PCDHA9: variants seen among roughly 807,000 people sequenced by gnomAD.
PCDHA9 encodes the protein protocadherin alpha-9.
In PCDHA9, 62 loss-of-function variants were observed where a neutral mutation model predicts 62.0. That is an observed-to-expected ratio of 1.00 (90% confidence interval 0.81 to 1.23). The LOEUF is 1.23. Ranked by LOEUF, PCDHA9 falls within the 50% of genes most tolerant of loss-of-function variation. PCDHA9 has a pLI of 0.00. For missense variants in PCDHA9, 1,205 were observed against 1,249.8 expected, an observed-to-expected ratio of 0.96 and a Z score of 0.54; for synonymous variants, 557 against 567.6, an observed-to-expected ratio of 0.98 and a Z score of 0.27.
At chr5:140,886,830 A>G (rs2061165550) in intron 1 of PCDHA9, among the ~76,000 whole-genome samples, 1 of 150,424 alleles carries the variant, frequency 6.6e-6, no homozygotes, top group Non-Finnish European at 1.5e-5. Flanking sequence ...TCGTCTTGAA[A>G]AAAAAAAAAA....
chr5:140,898,147 C>G (rs2066556304), intron 1 of PCDHA9, among the ~76,000 whole-genome samples: 1 of 152,150 alleles, frequency 6.6e-6, no homozygotes, highest in Non-Finnish European at 1.5e-5. Context: ...GTTGCCTGTT[C>G]ACGCTGATGG....
rs782638942 is a variant in PCDHA9, at chr5:140,876,442, G to T, written c.2394+25553G>T. The T allele has an allele frequency of 1.5e-5, 25 of 1,613,894 alleles. 1 individual carries two copies. The South Asian group carries it at 2.7e-4, about 18-fold the overall frequency. The stretch of plus-strand genomic sequence containing the variant: ...CTATGAAATTCAGGTTAACGCCATT[G>T]ATAAAGGGATTCCTTCCATGGCAGG... On this transcript the variant is annotated intron_variant, in intron 1 of 3. Coordinates refer to ENST00000532602, the MANE Select transcript of PCDHA9 (RefSeq NM_031857.2).
intron 1 of PCDHA9, chr5:140,861,770 C>CCAAT (rs386405128): frequency 6.2e-6 from 1 of 161,486 alleles, no homozygotes; most frequent in Non-Finnish European, 1.3e-5. Flanking sequence ...CCTGGAAATA[C>CCAAT]CAAGAGCAGG....
At chr5:140,926,281 T>A (rs2083071196) in intron 1 of PCDHA9, 1 of 152,306 alleles carries the variant, frequency 6.6e-6, no homozygotes, top group African/African-American at 2.4e-5. Context: ...GCTCGGCAGC[T>A]CCACGCTGAG....
intron 2 of PCDHA9, among the ~76,000 whole-genome samples, chr5:140,981,839 A>T (rs950232298): frequency 6.6e-6 from 1 of 152,116 alleles, no homozygotes; most frequent in Non-Finnish European, 1.5e-5. Flanking sequence ...AAGGTCTCCC[A>T]GTTTGTATCT....
chr5:140,869,247 C>A (rs1186478553), intron 1 of PCDHA9: 2 of 1,613,526 alleles, frequency 1.2e-6, no homozygotes, highest in Admixed American at 3.3e-5. Context: ...TGGGCCGCAT[C>A]GCGCAGGACC....
At chr5:140,958,503 C>T (rs1426161443) in intron 1 of PCDHA9, among the ~76,000 whole-genome samples, 1 of 152,118 alleles carries the variant, frequency 6.6e-6, no homozygotes, top group Non-Finnish European at 1.5e-5. Context: ...TCCTAGGAGG[C>T]ATGGCTGTCC....
chr5:140,871,489 G>C (rs782277615), intron 1 of PCDHA9: 1 of 1,590,138 alleles, frequency 6.3e-7, no homozygotes, highest in Non-Finnish European at 8.6e-7. Context: ...AAATCACCCC[G>C]GACAGGTGAG....
intron 1 of PCDHA9, among the ~76,000 whole-genome samples, chr5:140,909,911 A>T (rs747486870): frequency 1.3e-5 from 2 of 152,144 alleles, no homozygotes; most frequent in Non-Finnish European, 2.9e-5. Flanking sequence ...AATGGCAATC[A>T]TTTCCCTTTC....
At chr5:140,917,892 T>C (rs1382149175) in intron 1 of PCDHA9, among the ~76,000 whole-genome samples, 2 of 152,104 alleles carry the variant, frequency 1.3e-5, no homozygotes, top group African/African-American at 4.8e-5. Flanking sequence ...TTTTTCCATA[T>C]GAATGTTAGG....
Position 140,978,781 on chromosome 5 carries a change from A to C in PCDHA9, c.2395-168A>C, listed in dbSNP as rs4461687. ...GACCCTGATGAACTAATTTTCTTCT[A>C]AAGTGCTATATATGTAGATATCATC... On this transcript the variant is annotated intron_variant, in intron 1 of 3. Coordinates refer to ENST00000532602, the MANE Select transcript of PCDHA9 (RefSeq NM_031857.2). 2,731 of 969,880 alleles carry C rather than the reference A, an allele frequency of 2.8e-3. 24 individuals carry two copies. The East Asian group carries it at 0.042, about 15-fold the overall frequency. The allele number at this position is 969,880 out of a possible 1,614,324, so 60.1% of individuals were successfully genotyped here.
chr5:140,882,119 T>C, intron 1 of PCDHA9: 1 of 1,438,056 alleles, frequency 7.0e-7, no homozygotes, highest in South Asian at 1.4e-5. Context: ...AGCCGCCGTT[T>C]CTTTCTTCCT....
Position 140,980,736 on chromosome 5 carries a change from A to G in PCDHA9, c.2453+1729A>G, listed in dbSNP as rs1014210313. 6.6e-5 allele frequency among the ~76,000 whole-genome samples: 10 copies of G among 152,312 alleles called. No individual in the cohort carries two copies. The East Asian group carries it at 1.9e-3, about 29-fold the overall frequency. ...TTCGGGTTTCAATTAAGATATTATG[A>G]GATTTGAGTAGGGTAAGAAATAAAA... On this transcript the variant is annotated intron_variant, in intron 2 of 3. Transcript: ENST00000532602.
chr5:141,005,255 CACTGGTGATACATTGGTGAAT>C (rs1319250318), intron 3 of PCDHA9, among the ~76,000 whole-genome samples: 1 of 152,182 alleles, frequency 6.6e-6, no homozygotes, highest in African/African-American at 2.4e-5. Context: ...TTGTGCTAGG[CACTGGTGATACATTGGTGAAT>C]AAACAGATAC....
intron 1 of PCDHA9, among the ~76,000 whole-genome samples, chr5:140,889,945 C>A (rs2153428950): frequency 6.6e-6 from 1 of 152,212 alleles, no homozygotes; most frequent in Non-Finnish European, 1.5e-5. Flanking sequence ...TTGTGAGAAG[C>A]CAAATGGATA....
At chr5:140,957,194 G>A (rs2095341106) in intron 1 of PCDHA9, among the ~76,000 whole-genome samples, 1 of 152,012 alleles carries the variant, frequency 6.6e-6, no homozygotes, top group Non-Finnish European at 1.5e-5. Context: ...TGACCGATTG[G>A]GAATATAAAT....
At chr5:141,002,907 A>T (rs1201381868) in intron 3 of PCDHA9, among the ~76,000 whole-genome samples, 1 of 152,210 alleles carries the variant, frequency 6.6e-6, no homozygotes, top group Non-Finnish European at 1.5e-5. Flanking sequence ...TGAAGAGAAG[A>T]TCAGAAAAGT....
At chr5:140,942,361 G>A (rs1554214935) in intron 1 of PCDHA9, among the ~76,000 whole-genome samples, 1 of 151,920 alleles carries the variant, frequency 6.6e-6, no homozygotes, top group East Asian at 1.9e-4. Context: ...GCAGTTAACG[G>A]AGATTGCACC....
intron 1 of PCDHA9, among the ~76,000 whole-genome samples, chr5:140,898,272 A>T (rs13177412): frequency 6.6e-6 from 1 of 152,110 alleles, no homozygotes; most frequent in Non-Finnish European, 1.5e-5. Flanking sequence ...CCCATGCCTA[A>T]GTTCTGAATG....
Sources: allele counts gnomAD v4.1 joint callset (sites outside exome capture counted in the v4.1 genomes callset), GRCh38; gene constraint gnomAD v4.1.1; transcripts MANE v1.5; gene names NCBI Gene and HGNC (gene_info 2026-07-23, HGNC 2026-07-21).